Variants in AIG1 observed in about 807,000 individuals in gnomAD.
AIG1 encodes androgen induced 1.
A neutral mutation model predicts 31.4 loss-of-function variants in AIG1; 23 were observed. The observed-to-expected ratio is 0.73, with a 90% CI of 0.53 to 1.04. The LOEUF is 1.04. Ranked by LOEUF, AIG1 falls within the 50% of genes least tolerant of loss-of-function variation. The pLI is 0.00. For synonymous variants in AIG1, 100 were observed against 110.5 expected, an observed-to-expected ratio of 0.90 and a Z score of 0.60; for missense variants, 274 against 295.0, an observed-to-expected ratio of 0.93 and a Z score of 0.52.
chr6:143,088,867 T>C (rs1430554693), intron 1 of AIG1, among the ~76,000 whole-genome samples: 1 of 152,218 alleles, frequency 6.6e-6, no homozygotes, highest in Admixed American at 6.5e-5. Context: ...AACATTTCTA[T>C]TTCACCAGGT....
chr6:143,237,200 A>C (rs1793871308), intron 3 of AIG1, among the ~76,000 whole-genome samples: 2 of 152,214 alleles, frequency 1.3e-5, no homozygotes, highest in South Asian at 4.1e-4. Context: ...CCTTAAACAT[A>C]GTGTCACACA....
chr6:143,123,835 T>C (rs1300115540), intron 1 of AIG1, among the ~76,000 whole-genome samples: 2 of 152,232 alleles, frequency 1.3e-5, no homozygotes, highest in Non-Finnish European at 2.9e-5. Flanking sequence ...TTATCTAACA[T>C]AAGCATCACA....
At chr6:143,065,714 A>G (rs1776638799) in intron 1 of AIG1, among the ~76,000 whole-genome samples, 1 of 152,218 alleles carries the variant, frequency 6.6e-6, no homozygotes, top group South Asian at 2.1e-4. Context: ...TCTCCTCCCA[A>G]AAACATTCAA....
At chr6:143,266,301 CG>C (rs1042570393) in intron 3 of AIG1, among the ~76,000 whole-genome samples, 1 of 137,360 alleles carries the variant, frequency 7.3e-6, no homozygotes, top group Non-Finnish European at 1.5e-5. Flanking sequence ...GAGTCGAGAT[CG>C]TGCCATTGCA....
intron 3 of AIG1, among the ~76,000 whole-genome samples, chr6:143,270,278 AT>A (rs1432819334): frequency 6.6e-6 from 1 of 152,206 alleles, no homozygotes; most frequent in East Asian, 1.9e-4. Flanking sequence ...TGAGCTCAGC[AT>A]TGACCACAGA....
chr6:143,319,263 G>A (rs1032080530), intron 4 of AIG1, among the ~76,000 whole-genome samples: 1 of 151,956 alleles, frequency 6.6e-6, no homozygotes, highest in African/African-American at 2.4e-5. Flanking sequence ...AAGAAAATTT[G>A]GTATGTATAC....
At chr6:143,191,111 T>C (rs1218643124) in intron 3 of AIG1, among the ~76,000 whole-genome samples, 1 of 152,222 alleles carries the variant, frequency 6.6e-6, no homozygotes, top group African/African-American at 2.4e-5. Flanking sequence ...GAAGCTGTCC[T>C]GGTGATATCT....
intron 4 of AIG1, among the ~76,000 whole-genome samples, chr6:143,317,381 A>G (rs774059221): frequency 1.2e-4 from 18 of 152,336 alleles, no homozygotes; most frequent in South Asian, 2.1e-4. Context: ...GGTACCCCAC[A>G]TAAACAGAAT....
intron 2 of AIG1, among the ~76,000 whole-genome samples, chr6:143,155,166 A>G (rs1002483322): frequency 6.6e-6 from 1 of 152,108 alleles, no homozygotes; most frequent in African/African-American, 2.4e-5. Context: ...GTTTAAAAAT[A>G]TAAGGCACGA....
At chr6:143,241,352 C>T (rs1001798011) in intron 3 of AIG1, among the ~76,000 whole-genome samples, 1 of 152,200 alleles carries the variant, frequency 6.6e-6, no homozygotes, top group African/African-American at 2.4e-5. Context: ...AGCCCTTTTG[C>T]CCCTTGGCCT....
chr6:143,269,275 A>G (rs1483972306), intron 3 of AIG1, among the ~76,000 whole-genome samples: 1 of 152,252 alleles, frequency 6.6e-6, no homozygotes, highest in Non-Finnish European at 1.5e-5. Context: ...CTGAAATTTA[A>G]AGGGCAAGCA....
chr6:143,150,622 A>G (rs1785128276), intron 2 of AIG1, among the ~76,000 whole-genome samples: 1 of 152,154 alleles, frequency 6.6e-6, no homozygotes, highest in Non-Finnish European at 1.5e-5. Context: ...TCGCAAGAAA[A>G]TGCCTGCCCT....
At chr6:143,157,276 G>A (rs541315930) in intron 2 of AIG1, among the ~76,000 whole-genome samples, 1 of 152,210 alleles carries the variant, frequency 6.6e-6, no homozygotes, top group Admixed American at 6.5e-5. Context: ...CTGCGGGCCA[G>A]GCTCCTCTGG....
At chr6:143,225,091 T>C (rs962113268) in intron 3 of AIG1, among the ~76,000 whole-genome samples, 6 of 152,282 alleles carry the variant, frequency 3.9e-5, no homozygotes, top group African/African-American at 1.4e-4. Context: ...TGGCAAACTC[T>C]ACCATTTCCC....
At chr6:143,155,713 G>A (rs913928994) in intron 2 of AIG1, among the ~76,000 whole-genome samples, 5 of 152,216 alleles carry the variant, frequency 3.3e-5, no homozygotes, top group East Asian at 1.9e-4. Context: ...ATTATAAAAC[G>A]CACAAAGGAA....
At chr6:143,231,026 C>T (rs1257039437) in intron 3 of AIG1, among the ~76,000 whole-genome samples, 1 of 152,208 alleles carries the variant, frequency 6.6e-6, no homozygotes. Context: ...GCTTTAGTTT[C>T]CTCATCTAAC....
rs6932929 is a variant in AIG1 at position 143,309,578 on chromosome 6, A to G, written c.516-23704A>G. ...GAAAACAGAAAGGGGGAAGGGCATAAAAAAAGAAAGAAATGCCCAGTGCAA... is the reference window on the plus strand; with the variant it reads ...GAAAACAGAAAGGGGGAAGGGCATAGAAAAAGAAAGAAATGCCCAGTGCAA... On this transcript the variant is annotated intron_variant, in intron 4 of 5. Transcript: ENST00000357847. Among the ~76,000 whole-genome samples the G allele has an allele frequency of 2.8e-3, 421 of 152,122 alleles. 1 individual carries two copies. Among genetic ancestry groups the G allele is most frequent in the African/African-American group, 9.6e-3 (399 of 41,586 alleles).
At chr6:143,081,302 C>T (rs1421499615) in intron 1 of AIG1, among the ~76,000 whole-genome samples, 2 of 152,062 alleles carry the variant, frequency 1.3e-5, no homozygotes, top group Non-Finnish European at 2.9e-5. Flanking sequence ...ATACTCCCTG[C>T]GTTACTGCAG....
chr6:143,171,491 A>G (rs1161470461), intron 3 of AIG1, among the ~76,000 whole-genome samples: 9 of 122,238 alleles, frequency 7.4e-5, no homozygotes, highest in Non-Finnish European at 1.3e-4. Flanking sequence ...TATATTAAAT[A>G]TATAATATAT....
Sources: gnomAD v4.1 joint callset for allele counts (sites outside exome capture counted in the v4.1 genomes callset) on GRCh38, gnomAD v4.1.1 for gene constraint, MANE v1.5 for transcripts, NCBI Gene and HGNC (gene_info 2026-07-23, HGNC 2026-07-21) for gene names.